Variants in SOX5 observed in about 807,000 individuals in gnomAD.
The protein encoded by SOX5 is transcription factor SOX-5.
In SOX5, 9 loss-of-function variants were observed where a neutral mutation model predicts 92.0. That is an observed-to-expected ratio of 0.10 (90% CI 0.06 to 0.17). The LOEUF is 0.17. Among genes scored for constraint, SOX5 ranks in the 10% least tolerant of loss-of-function variants. The pLI is 1.00. For missense variants in SOX5, 642 were observed against 944.5 expected (o/e 0.68, Z 4.20); for synonymous variants, 344 against 336.3 (o/e 1.02, Z -0.25).
chr12:23,746,998 A>G (rs900522212), intron 4 of SOX5, among the ~76,000 whole-genome samples: 2 of 151,956 alleles, frequency 1.3e-5, no homozygotes, highest in African/African-American at 4.8e-5. Flanking sequence ...ACTTTCCTCC[A>G]TGACTGTGAG....
chr12:23,914,912 A>C (rs1229208986), intron 1 of SOX5, among the ~76,000 whole-genome samples: 8 of 152,150 alleles, frequency 5.3e-5, no homozygotes, highest in African/African-American at 1.7e-4. Context: ...TTACTATTGG[A>C]TTGTAAACTC....
At chr12:24,295,532 G>C (rs762766069) in intron 2 of SOX5, among the ~76,000 whole-genome samples, 7 of 152,164 alleles carry the variant, frequency 4.6e-5, no homozygotes, top group Non-Finnish European at 1.0e-4. Context: ...ATTTTGTTCA[G>C]TGAAACTAAA....
chr12:23,602,561 C>T lies in SOX5; in HGVS notation c.1164+1826G>A, dbSNP rs542031377. Among the ~76,000 whole-genome samples, 6 of 152,142 alleles carry T rather than the reference C, an allele frequency of 3.9e-5. No homozygotes were observed. The South Asian group carries it at 1.0e-3, about 26-fold the overall frequency. On this transcript the variant is annotated intron_variant, in intron 9 of 14. Coordinates refer to ENST00000451604, the MANE Select transcript of SOX5 (RefSeq NM_006940.6). ...ATGTAGGTGTAAGAAAAAAATCCGT[C>T]AGCCATTTAAAAGTGAGCTACATAT...
intron 4 of SOX5, among the ~76,000 whole-genome samples, chr12:24,126,817 G>C (rs1205404717): frequency 1.3e-5 from 2 of 152,014 alleles, no homozygotes; most frequent in Non-Finnish European, 2.9e-5. Context: ...CTCTTTCTGG[G>C]GTCACTGAAC....
intron 1 of SOX5, among the ~76,000 whole-genome samples, chr12:24,433,597 T>C (rs186707881): frequency 2.0e-3 from 303 of 152,302 alleles, no homozygotes; most frequent in Non-Finnish European, 3.6e-3. Context: ...ATCACAGCAG[T>C]AGGAACTAAA....
chr12:23,968,833 A>G (rs1000004060), intron 4 of SOX5, among the ~76,000 whole-genome samples: 2 of 152,116 alleles, frequency 1.3e-5, no homozygotes, highest in African/African-American at 4.8e-5. Flanking sequence ...TGTTTCTTCT[A>G]CGCTCAACCT....
chr12:24,294,880 C>T (rs1260627710), intron 2 of SOX5, among the ~76,000 whole-genome samples: 3 of 152,174 alleles, frequency 2.0e-5, no homozygotes, highest in Non-Finnish European at 4.4e-5. Context: ...CTGCAATTGG[C>T]CTAATGCTGC....
chr12:23,844,817 C>G (rs2096556936), intron 3 of SOX5, among the ~76,000 whole-genome samples: 1 of 151,878 alleles, frequency 6.6e-6, no homozygotes, highest in Non-Finnish European at 1.5e-5. Context: ...GGAAACAATC[C>G]ACCATTTTAA....
At chr12:24,281,815 A>G (rs1252895096) in intron 2 of SOX5, among the ~76,000 whole-genome samples, 3 of 152,192 alleles carry the variant, frequency 2.0e-5, no homozygotes, top group East Asian at 1.9e-4. Context: ...TTGATAATGA[A>G]AAGGCTAAAG....
intron 4 of SOX5, among the ~76,000 whole-genome samples, chr12:24,074,880 G>GTT (rs58493725): frequency 7.3e-5 from 11 of 150,208 alleles, no homozygotes; most frequent in Admixed American, 1.3e-4. Context: ...ACTTTCTTTT[G>GTT]TTTTTTTGTT....
At chr12:23,766,268 G>A (rs1217576660) in intron 3 of SOX5, among the ~76,000 whole-genome samples, 1 of 151,986 alleles carries the variant, frequency 6.6e-6, no homozygotes, top group African/African-American at 2.4e-5. Context: ...AATCACATAA[G>A]CAATATAAAG....
intron 2 of SOX5, among the ~76,000 whole-genome samples, chr12:24,327,727 G>A (rs906934434): frequency 5.9e-5 from 9 of 152,042 alleles, no homozygotes; most frequent in Non-Finnish European, 1.2e-4. Context: ...GGGACTACAG[G>A]AGCCTGCCAC....
chr12:24,088,645 C>A (rs1194300956), intron 4 of SOX5, among the ~76,000 whole-genome samples: 1 of 151,358 alleles, frequency 6.6e-6, no homozygotes, highest in Admixed American at 6.6e-5. Context: ...CTCTACTCAC[C>A]CTTTAATCAC....
At chr12:23,771,053 T>A (rs1212105090) in intron 3 of SOX5, among the ~76,000 whole-genome samples, 2 of 152,030 alleles carry the variant, frequency 1.3e-5, no homozygotes, top group African/African-American at 4.8e-5. Flanking sequence ...TCCATTTTTG[T>A]GAATCAGATT....
intron 4 of SOX5, among the ~76,000 whole-genome samples, chr12:24,029,211 T>C (rs1252990576): frequency 2.6e-5 from 4 of 152,022 alleles, no homozygotes; most frequent in African/African-American, 9.7e-5. Flanking sequence ...AGTTTTACAC[T>C]GCAGTTAAAT....
intron 3 of SOX5, among the ~76,000 whole-genome samples, chr12:24,264,576 C>T (rs903111637): frequency 6.6e-6 from 1 of 152,078 alleles, no homozygotes; most frequent in African/African-American, 2.4e-5. Context: ...ATGTATTTAT[C>T]TTTATTTTAA....
intron 4 of SOX5, among the ~76,000 whole-genome samples, chr12:24,027,750 C>T (rs545898976): frequency 2.6e-5 from 4 of 152,006 alleles, no homozygotes; most frequent in Non-Finnish European, 5.9e-5. Flanking sequence ...TTGGACACTA[C>T]GGAGGAGGCC....
intron 1 of SOX5, among the ~76,000 whole-genome samples, chr12:24,370,440 G>A (rs1012521458): frequency 7.7e-5 from 10 of 130,612 alleles, no homozygotes; most frequent in African/African-American, 2.3e-4. Context: ...CTGCGCCACC[G>A]CACTCCAGCC....
At chr12:24,294,199 A>T (rs1243059478) in intron 2 of SOX5, among the ~76,000 whole-genome samples, 1 of 151,814 alleles carries the variant, frequency 6.6e-6, no homozygotes, top group African/African-American at 2.4e-5. Context: ...CAGTGCTGGG[A>T]CCTCTTGTAG....
Sources: gnomAD v4.1 joint callset for allele counts (sites outside exome capture counted in the v4.1 genomes callset) on GRCh38, gnomAD v4.1.1 for gene constraint, MANE v1.5 for transcripts, NCBI Gene and HGNC (gene_info 2026-07-23, HGNC 2026-07-21) for gene names.